AP5S1: variants seen among roughly 807,000 people sequenced by gnomAD.
AP5S1 encodes the protein adaptor related protein complex 5 subunit sigma 1.
Under a neutral mutation model 13.9 loss-of-function variants are expected in AP5S1, and 13 were observed. That is an observed-to-expected ratio of 0.94 (90% CI 0.61 to 1.49). The LOEUF (loss-of-function observed/expected upper bound fraction) is 1.49. AP5S1 is among the 40% of genes most tolerant of loss of function. The pLI is 0.00. For synonymous variants in AP5S1, 132 were observed against 121.8 expected (o/e 1.08, Z -0.55); for missense variants, 292 against 272.3 (o/e 1.07, Z -0.51).
In AP5S1 at chr20:3,827,648, C is replaced by T. The variant is rs188643545; in HGVS notation, c.*3351C>T. 1 of 152,108 alleles carries T rather than the reference C, an allele frequency of 6.6e-6. No individual in the cohort carries two copies. Among genetic ancestry groups the T allele is most frequent in the Non-Finnish European group, 1.5e-5 (1 of 68,090 alleles). 9.4% of individuals were successfully genotyped at this position (152,108 alleles called of 1,614,324 possible). A position where few individuals can be genotyped will look rare whatever the true frequency, so the allele number is the denominator to read the frequency against. On this transcript the variant is annotated 3_prime_UTR_variant, in exon 3 of 3. Coordinates refer to ENST00000615891, the MANE Select transcript of AP5S1 (RefSeq NM_018347.3). ...TCACATACACTGCATGTATGTGAGC[C>T]CTGGGATGGGATTGGATCATCTTGT... is the stretch of plus-strand genomic sequence containing the variant.
At chr20:3,822,018 C>G (rs1215301303) in intron 1 of AP5S1, 84 bp from the exon 2 acceptor site, 1 of 1,497,668 alleles carries the variant, frequency 6.7e-7, no homozygotes, top group Non-Finnish European at 8.9e-7. Flanking sequence ...CACTCCCAGA[C>G]ACTGCCAGGT....
In AP5S1 at chr20:3,826,482, G is replaced by C. The variant is rs1392240321; in HGVS notation, c.*2185G>C. On this transcript the variant is annotated 3_prime_UTR_variant, in exon 3 of 3. Coordinates refer to ENST00000615891, the MANE Select transcript of AP5S1 (RefSeq NM_018347.3). ...CTCTATGGAAAGGCTCAAGCTTACTGATCTGAATTCTTTCTGCCTTTTTTT... is the reference window on the plus strand; with the variant it reads ...CTCTATGGAAAGGCTCAAGCTTACTCATCTGAATTCTTTCTGCCTTTTTTT... 6.6e-6 allele frequency: 1 copy of C among 152,204 alleles called. No homozygotes were observed. The highest frequency in any genetic ancestry group is 1.5e-5 in the Non-Finnish European group (1 of 68,052). 9.4% of individuals were successfully genotyped at this position (152,204 alleles called of 1,614,324 possible). A position where few individuals can be genotyped will look rare whatever the true frequency, so the allele number is the denominator to read the frequency against.
chr20:3,821,061 C>T (rs1438451262), intron 1 of AP5S1, among the ~76,000 whole-genome samples: 1 of 152,208 alleles, frequency 6.6e-6, no homozygotes, highest in Middle Eastern at 3.2e-3. Context: ...TTTCAGGTAA[C>T]TCCTGTATGC....
rs1446647242 is a variant in AP5S1 at position 3,827,285 on chromosome 20, G to C, written c.*2988G>C. ...ACAGGTTTTGTTTTGTTTTGTTTTAGGCGGAGTTTCTCTTTGTTGCCCAGG... is the reference window on the plus strand; with the variant it reads ...ACAGGTTTTGTTTTGTTTTGTTTTACGCGGAGTTTCTCTTTGTTGCCCAGG... On this transcript the variant is annotated 3_prime_UTR_variant, in exon 3 of 3. Coordinates refer to ENST00000615891, the MANE Select transcript of AP5S1 (RefSeq NM_018347.3). 6.6e-6 allele frequency: 1 copy of C among 151,830 alleles called. No homozygotes were observed. Among genetic ancestry groups the C allele is most frequent in the South Asian group, 2.1e-4 (1 of 4,806 alleles). The allele number at this position is 151,830 out of a possible 1,614,324, so 9.4% of individuals were successfully genotyped here. A position where few individuals can be genotyped will look rare whatever the true frequency, so the allele number is the denominator to read the frequency against.
chr20:3,823,787 G>C, intron 2 of AP5S1, 84 bp from the exon 3 acceptor site: 1 of 1,534,172 alleles, frequency 6.5e-7, no homozygotes, highest in African/African-American at 1.4e-5. Flanking sequence ...TGGGGATGAT[G>C]GTAGCTCCCA....
Position 3,824,634 on chromosome 20 carries a change from T to G in AP5S1, c.*337T>G. The G allele has an allele frequency of 3.3e-6, 1 of 303,784 alleles. No individual in the cohort carries two copies. The highest frequency in any genetic ancestry group is 6.2e-6 in the Non-Finnish European group (1 of 161,050). 18.8% of individuals were successfully genotyped at this position (303,784 alleles called of 1,614,324 possible). ...TGCCTGGAGCTCACCCCGCTCTTCT[T>G]CCAAACCCACAGTCAAGGCCAGGCG... is the stretch of plus-strand genomic sequence containing the variant. On this transcript the variant is annotated 3_prime_UTR_variant, in exon 3 of 3. Transcript: ENST00000615891.
In AP5S1 at chr20:3,824,211, T is replaced by G. The variant is rs200309763; in HGVS notation, c.517T>G (p.Phe173Val). The change falls in exon 3 of 3, where the codon TTC becomes GTC. Residue 173 changes from phenylalanine (F) to valine (V), a missense_variant. Physicochemically the swap from Phe to Val is conservative, Grantham distance 50. Transcript: ENST00000615891. The part of the protein sequence containing the change: ...ADRIEGILTR[F>V]LPHGQLLFLN... The stretch of plus-strand genomic sequence containing the variant: ...CCGCATTGAGGGCATCCTCACCCGC[T>G]TCCTGCCACATGGTCAGCTGCTTTT... The G allele has an allele frequency of 3.3e-4, 540 of 1,614,200 alleles. 6 individuals carry two copies. In the East Asian group the frequency reaches 8.6e-3, roughly 26 times the overall value.
At position 3,824,156 on chromosome 20, in the gene AP5S1, G is replaced by T; in HGVS notation, c.462G>T (p.Ala154=). ...TCCTTGACCACCTCCGGCTGCTGGCGCCCAGCACCAGCCTTCTGCTGCGGG... is the reference window on the plus strand; with the variant it reads ...TCCTTGACCACCTCCGGCTGCTGGCTCCCAGCACCAGCCTTCTGCTGCGGG... ...RLLLDHLRLL[A]PSTSLLLRAD... Residue 154 remains alanine (A), a synonymous_variant, in exon 3 of 3, where the codon GCG becomes GCT. Transcript: ENST00000615891. The T allele has an allele frequency of 6.2e-7, 1 of 1,613,972 alleles. No homozygotes were observed. Among genetic ancestry groups the T allele is most frequent in the Non-Finnish European group, 8.5e-7 (1 of 1,180,022 alleles).
chr20:3,822,980 C>T (rs1193992519), intron 2 of AP5S1, among the ~76,000 whole-genome samples: 2 of 152,252 alleles, frequency 1.3e-5, no homozygotes, highest in East Asian at 1.9e-4. Flanking sequence ...GGGGTAGCAC[C>T]ACTCTGGGGC....
Position 3,824,590 on chromosome 20 carries a change from T to G in AP5S1, c.*293T>G. 2.3e-6 allele frequency: 1 copy of G among 439,908 alleles called. No individual in the cohort carries two copies. The highest frequency in any genetic ancestry group is 4.2e-6 in the Non-Finnish European group (1 of 240,026). 27.3% of individuals were successfully genotyped at this position (439,908 alleles called of 1,614,324 possible). A position where few individuals can be genotyped will look rare whatever the true frequency, so the allele number is the denominator to read the frequency against. On this transcript the variant is annotated 3_prime_UTR_variant, in exon 3 of 3. Transcript: ENST00000615891. Reference sequence around the variant, plus strand: ...ACCTTCCTCCATCCCTGCCAGCCGATAGTGCTAGGGTGAGGAGCTGCCTGG... The same window carrying G: ...ACCTTCCTCCATCCCTGCCAGCCGAGAGTGCTAGGGTGAGGAGCTGCCTGG...
intron 1 of AP5S1, among the ~76,000 whole-genome samples, chr20:3,821,193 T>TG (rs377233686): frequency 6.6e-6 from 1 of 152,216 alleles, no homozygotes; most frequent in African/African-American, 2.4e-5. Context: ...TATGAAATCC[T>TG]GTTTCCTCTA....
At chr20:3,821,308 T>G (rs1476584284) in intron 1 of AP5S1, among the ~76,000 whole-genome samples, 1 of 152,220 alleles carries the variant, frequency 6.6e-6, no homozygotes, top group East Asian at 1.9e-4. Context: ...TAGTCCATAT[T>G]GAAATGTTTT....
rs778614397 is a variant in AP5S1 at position 3,824,082 on chromosome 20, GAGAA to G, written c.389_392del (p.Glu130AlafsTer12). On this transcript the variant is annotated frameshift_variant, in exon 3 of 3. Coordinates refer to ENST00000615891, the MANE Select transcript of AP5S1 (RefSeq NM_018347.3). LOFTEE classifies it high-confidence loss of function. ...CTTTGCCCTGGTGCTGGATGCCCAT[GAGAA>G]CCTGCTACTGGCTGAGGGCACGCTC... 7.4e-6 allele frequency: 12 copies of G among 1,613,954 alleles called. No individual in the cohort carries two copies. Among genetic ancestry groups the G allele is most frequent in the Non-Finnish European group, 9.3e-6 (11 of 1,180,000 alleles).
In AP5S1 at chr20:3,827,797, T is replaced by C. The variant is rs145660462; in HGVS notation, c.*3500T>C. On this transcript the variant is annotated 3_prime_UTR_variant, in exon 3 of 3. Coordinates refer to ENST00000615891, the MANE Select transcript of AP5S1 (RefSeq NM_018347.3). ...TTTTTTTTGAGATGGAGTCTCACTC[T>C]GTTGCTCAGGCTGGAGTGCAGTGGT... 0.032 allele frequency: 4,812 copies of C among 150,782 alleles called. 102 individuals carry two copies. The highest frequency in any genetic ancestry group is 0.078 in the South Asian group (363 of 4,662). 9.3% of individuals were successfully genotyped at this position (150,782 alleles called of 1,614,324 possible). A position where few individuals can be genotyped will look rare whatever the true frequency, so the allele number is the denominator to read the frequency against.
chr20:3,821,748 G>T, intron 1 of AP5S1: 1 of 214,540 alleles, frequency 4.7e-6, no homozygotes, highest in Non-Finnish European at 8.0e-6. Flanking sequence ...GTCTCCTTCG[G>T]TCTGGAGCAG....
In AP5S1 at chr20:3,825,684, C is replaced by T. The variant is rs560324657; in HGVS notation, c.*1387C>T. 1 of 152,230 alleles carries T rather than the reference C, an allele frequency of 6.6e-6. No homozygotes were observed. The highest frequency in any genetic ancestry group is 2.1e-4 in the South Asian group (1 of 4,826). The allele number at this position is 152,230 out of a possible 1,614,324, so 9.4% of individuals were successfully genotyped here. A position where few individuals can be genotyped will look rare whatever the true frequency, so the allele number is the denominator to read the frequency against. On this transcript the variant is annotated 3_prime_UTR_variant, in exon 3 of 3. Transcript: ENST00000615891. ...GACTGTGGTAGGGAGCTGAGTGCCT[C>T]TAGGGGGCTGCACACAGCAGTTGCC...
In AP5S1 at chr20:3,824,116, T is replaced by C. The variant is rs1225077201; in HGVS notation, c.422T>C (p.Leu141Pro). 4 of 1,613,988 alleles carry C rather than the reference T, an allele frequency of 2.5e-6. No individual in the cohort carries two copies. The South Asian group carries it at 3.3e-5, about 13-fold the overall frequency. The change falls in exon 3 of 3, where the codon CTG (leucine) becomes CCG (proline). Residue 141 changes from leucine (L) to proline (P), a missense_variant. Transcript: ENST00000615891. Reference protein sequence around the residue: ...NLLLAEGTLRLLTRLLLDHLR... With the variant: ...NLLLAEGTLRPLTRLLLDHLR... ...CTACTGGCTGAGGGCACGCTCCGGC[T>C]GCTGACACGCCTCCTCCTTGACCAC...
chr20:3,827,191 G>A lies in AP5S1; in HGVS notation c.*2894G>A, dbSNP rs1367325106. 6.6e-6 allele frequency: 1 copy of A among 152,280 alleles called. No homozygotes were observed. Among genetic ancestry groups the A allele is most frequent in the Admixed American group, 6.5e-5 (1 of 15,268 alleles). 9.4% of individuals were successfully genotyped at this position (152,280 alleles called of 1,614,324 possible). A position where few individuals can be genotyped will look rare whatever the true frequency, so the allele number is the denominator to read the frequency against. On this transcript the variant is annotated 3_prime_UTR_variant, in exon 3 of 3. Coordinates refer to ENST00000615891, the MANE Select transcript of AP5S1 (RefSeq NM_018347.3). ...AGTGTACCTCCACAAACACTCCTGG[G>A]ACAACAGATGATGACAGGAGGGCAG...
At chr20:3,823,707 C>T (rs2089601076) in intron 2 of AP5S1, 164 bp from the exon 3 acceptor site, 1 of 985,314 alleles carries the variant, frequency 1.0e-6, no homozygotes, top group African/African-American at 1.7e-5. Context: ...TGGAGGCTCA[C>T]ACTTCCTGAT....
Sources: allele counts gnomAD v4.1 joint callset (sites outside exome capture counted in the v4.1 genomes callset), GRCh38; gene constraint gnomAD v4.1.1; transcripts MANE v1.5; gene names NCBI Gene and HGNC (gene_info 2026-07-23, HGNC 2026-07-21).